Variants in KIF13A observed in about 807,000 individuals in gnomAD.
KIF13A encodes the protein kinesin family member 13A, also known as kinesin-like protein KIF13A.
KIF13A carries 79 observed loss-of-function variants against 212.2 expected under a neutral mutation model. The ratio of observed to expected loss-of-function variants is 0.37; its 90% CI spans 0.31 to 0.45. KIF13A has a LOEUF of 0.45. Among genes scored for constraint, KIF13A ranks in the 20% least tolerant of loss-of-function variants. KIF13A has a pLI of 1.00. For synonymous variants in KIF13A, 789 were observed against 808.6 expected (o/e 0.98, Z 0.41); for missense variants, 1,901 against 2,209.0 (o/e 0.86, Z 2.79).
At chr6:17,767,703 A>G (rs1189389318) in intron 38 of KIF13A, among the ~76,000 whole-genome samples, 1 of 152,274 alleles carries the variant, frequency 6.6e-6, no homozygotes, top group Non-Finnish European at 1.5e-5. Flanking sequence ...ATTTACTTCA[A>G]GGAAAATCAA....
rs1021030384 is a variant in KIF13A, at chr6:17,914,367, T to A, written c.147-16187A>T. On this transcript the variant is annotated intron_variant, in intron 2 of 38. Coordinates refer to ENST00000259711, the MANE Select transcript of KIF13A (RefSeq NM_022113.6). The surrounding 1 kb of genome is among the most constrained non-coding windows in gnomAD (Gnocchi z 5.9). ...AGAATAGATTTTCATTTCTATGCAA[T>A]CAACCAGTTAATATAATTAAAAAAA... Among the ~76,000 whole-genome samples, 1 of 152,106 alleles carries A rather than the reference T, an allele frequency of 6.6e-6. No homozygotes were observed. The highest frequency in any genetic ancestry group is 1.5e-5 in the Non-Finnish European group (1 of 68,030).
intron 28 of KIF13A, among the ~76,000 whole-genome samples, chr6:17,784,145 C>T (rs938528365): frequency 1.3e-5 from 2 of 152,186 alleles, no homozygotes; most frequent in African/African-American, 4.8e-5. Flanking sequence ...CAGGGATGGG[C>T]ATGGTGGCTC....
intron 2 of KIF13A, among the ~76,000 whole-genome samples, chr6:17,913,161 T>C (rs190076296): frequency 3.9e-5 from 6 of 152,020 alleles, no homozygotes; most frequent in Non-Finnish European, 4.4e-5. Flanking sequence ...GACTGGTCCC[T>C]TTTACTAAGA....
At chr6:17,801,408 G>A (rs1348187023) in intron 20 of KIF13A, among the ~76,000 whole-genome samples, 1 of 152,168 alleles carries the variant, frequency 6.6e-6, no homozygotes, top group Non-Finnish European at 1.5e-5. Flanking sequence ...GGGAGGCTGT[G>A]GCAGGACTGC....
intron 35 of KIF13A, among the ~76,000 whole-genome samples, chr6:17,774,403 C>T (rs1480333090): frequency 6.6e-6 from 1 of 152,158 alleles, no homozygotes; most frequent in East Asian, 1.9e-4. Context: ...CATAAACACA[C>T]AGATATCTAT....
chr6:17,842,513 T>A (rs1424593948), intron 9 of KIF13A, among the ~76,000 whole-genome samples: 1 of 152,158 alleles, frequency 6.6e-6, no homozygotes, highest in East Asian at 1.9e-4. Flanking sequence ...TGTTTGCCAA[T>A]GTTAGTGGCA....
In KIF13A at chr6:17,968,669, T is replaced by C. The variant is rs949975714; in HGVS notation, c.146+18385A>G. ...GGTGACCTCCTGGCTGGACCAACCA[T>C]TACTTATCTCATGTAGTCCTAAGCA... On this transcript the variant is annotated intron_variant, in intron 2 of 38. Transcript: ENST00000259711. This position sits in a 1 kb window ranked among gnomAD's most constrained non-coding sequence, Gnocchi z 4.7. 5.9e-5 allele frequency among the ~76,000 whole-genome samples: 9 copies of C among 152,346 alleles called. No individual in the cohort carries two copies. The highest frequency in any genetic ancestry group is 2.1e-4 in the South Asian group (1 of 4,830).
intron 2 of KIF13A, among the ~76,000 whole-genome samples, chr6:17,977,114 CAAAAAAAAAA>C (rs398000718): frequency 2.8e-5 from 3 of 106,698 alleles, no homozygotes; most frequent in Admixed American, 1.1e-4. Flanking sequence ...AAAACAACAA[CAAAAAAAAAA>C]AAAAAAAAAA....
At chr6:17,909,761 G>A (rs1773866864) in intron 2 of KIF13A, among the ~76,000 whole-genome samples, 1 of 151,920 alleles carries the variant, frequency 6.6e-6, no homozygotes, top group African/African-American at 2.4e-5. Flanking sequence ...AGGTGTGGTG[G>A]TGCGTGCCTG....
chr6:17,984,961 ACT>A lies in KIF13A; in HGVS notation c.146+2091_146+2092del, dbSNP rs1338801694. Among the ~76,000 whole-genome samples the A allele has an allele frequency of 6.6e-6, 1 of 152,258 alleles. No homozygotes were observed. The highest frequency in any genetic ancestry group is 1.9e-4 in the East Asian group (1 of 5,208). On this transcript the variant is annotated intron_variant, in intron 2 of 38. Coordinates refer to ENST00000259711, the MANE Select transcript of KIF13A (RefSeq NM_022113.6). The surrounding 1 kb of genome is among the most constrained non-coding windows in gnomAD (Gnocchi z 5.0). Reference sequence around the variant, plus strand: ...AGGAATTGTTTCTATTTTTAAATGCACTGTTACTTTAAGGGAAAAGTCTGTGG... The same window carrying A: ...AGGAATTGTTTCTATTTTTAAATGCAGTTACTTTAAGGGAAAAGTCTGTGG...
chr6:17,854,140 C>G (rs1427622805), intron 6 of KIF13A, among the ~76,000 whole-genome samples: 2 of 152,094 alleles, frequency 1.3e-5, no homozygotes, highest in Non-Finnish European at 2.9e-5. Flanking sequence ...CAAAGTGTAA[C>G]AGTGGTTATT....
In KIF13A at chr6:17,906,143, C is replaced by T. The variant is rs190849654; in HGVS notation, c.147-7963G>A. Among the ~76,000 whole-genome samples the T allele has an allele frequency of 1.0e-3, 159 of 152,220 alleles. 6 individuals carry two copies. The East Asian group carries it at 0.026, about 25-fold the overall frequency. On this transcript the variant is annotated intron_variant, in intron 2 of 38. Transcript: ENST00000259711. ...TTAAAAAAGAGAGTCATCAGATGAT[C>T]AAACCTACAATCACTACAGTAAAAT...
intron 9 of KIF13A, among the ~76,000 whole-genome samples, chr6:17,845,677 G>C (rs1697017921): frequency 1.3e-5 from 2 of 152,202 alleles, no homozygotes; most frequent in Non-Finnish European, 2.9e-5. Flanking sequence ...CAAGGAAAAG[G>C]CTTCCTCATT....
At position 17,794,972 on chromosome 6, in the gene KIF13A, A is replaced by G. The variant is rs937609519; in HGVS notation, c.2943-268T>C. The G allele has an allele frequency of 1.7e-5, 6 of 344,528 alleles. No individual in the cohort carries two copies. Among genetic ancestry groups the G allele is most frequent in the African/African-American group, 1.3e-4 (6 of 47,398 alleles). 21.3% of individuals were successfully genotyped at this position (344,528 alleles called of 1,614,324 possible). On this transcript the variant is annotated intron_variant, in intron 23 of 38. Coordinates refer to ENST00000259711, the MANE Select transcript of KIF13A (RefSeq NM_022113.6). The surrounding 1 kb of genome is among the most constrained non-coding windows in gnomAD (Gnocchi z 4.1). ...TGCACATATGAGTGTAACCTGCCCT[A>G]TCACCTCAGAAAGTTTGCTCATATG...
chr6:17,898,802 G>A lies in KIF13A; in HGVS notation c.147-622C>T, dbSNP rs1429631553. Among the ~76,000 whole-genome samples, 2 of 152,070 alleles carry A rather than the reference G, an allele frequency of 1.3e-5. No homozygotes were observed. The highest frequency in any genetic ancestry group is 2.9e-5 in the Non-Finnish European group (2 of 68,016). On this transcript the variant is annotated intron_variant, in intron 2 of 38. Coordinates refer to ENST00000259711, the MANE Select transcript of KIF13A (RefSeq NM_022113.6). The surrounding 1 kb of genome is among the most constrained non-coding windows in gnomAD (Gnocchi z 5.2). ...TAATAACTCAGAAATGACTGAAATT[G>A]CACCTGGAAAAAACTCTGAAAAGGA...
chr6:17,945,305 A>G (rs1554120323), intron 2 of KIF13A, among the ~76,000 whole-genome samples: 1 of 152,146 alleles, frequency 6.6e-6, no homozygotes, highest in African/African-American at 2.4e-5. Context: ...GTGCCAAAAT[A>G]GGCTAAACTG....
intron 20 of KIF13A, among the ~76,000 whole-genome samples, chr6:17,804,130 C>T (rs564022076): frequency 4.1e-5 from 6 of 146,212 alleles, no homozygotes; most frequent in Admixed American, 2.8e-4. Flanking sequence ...CCAGCCTGGG[C>T]GACAGAGTGA....
intron 2 of KIF13A, among the ~76,000 whole-genome samples, chr6:17,966,008 A>G (rs539530045): frequency 1.3e-5 from 2 of 152,320 alleles, no homozygotes; most frequent in South Asian, 4.1e-4. Flanking sequence ...AGCCTGGCCA[A>G]TATGGCAAAA....
rs1273042591 is a variant in KIF13A, at chr6:17,963,901, CAACTGT to C, written c.146+23147_146+23152del. Among the ~76,000 whole-genome samples, 3 of 152,170 alleles carry C rather than the reference CAACTGT, an allele frequency of 2.0e-5. No homozygotes were observed. The highest frequency in any genetic ancestry group is 4.8e-5 in the African/African-American group (2 of 41,432). On this transcript the variant is annotated intron_variant, in intron 2 of 38. Transcript: ENST00000259711. The surrounding 1 kb of genome is among the most constrained non-coding windows in gnomAD (Gnocchi z 4.1). ...GTGATAGTGGTTAATCAGGCATATG[CAACTGT>C]AAAAACTCAAGAAAGTGTACCCTTA...
Sources: allele counts gnomAD v4.1 joint callset (sites outside exome capture counted in the v4.1 genomes callset), GRCh38; gene constraint gnomAD v4.1.1; non-coding constraint Gnocchi (gnomAD v3.1); transcripts MANE v1.5; gene names NCBI Gene and HGNC (gene_info 2026-07-23, HGNC 2026-07-21).